The following COL18A1 variants were observed in gnomAD, a reference collection of about 807,000 sequenced individuals.
COL18A1 encodes collagen type XVIII alpha 1 chain.
COL18A1 carries 133 observed loss-of-function variants against 168.0 expected under a neutral mutation model. The ratio of observed to expected loss-of-function variants is 0.79; its 90% CI spans 0.69 to 0.91. The LOEUF (loss-of-function observed/expected upper bound fraction) is 0.91, where lower values mean the gene tolerates loss of function less well. Ranked by LOEUF, COL18A1 falls within the 40% of genes least tolerant of loss-of-function variation. COL18A1 has a pLI of 0.00. For missense variants in COL18A1, 2,126 were observed against 1,925.4 expected, an observed-to-expected ratio of 1.10 and a Z score of -1.95; for synonymous variants, 949 against 809.0, an observed-to-expected ratio of 1.17 and a Z score of -2.94.
intron 2 of COL18A1, among the ~76,000 whole-genome samples, chr21:45,435,264 AG>A (rs1458792965): frequency 2.8e-5 from 2 of 72,368 alleles, no homozygotes; most frequent in African/African-American, 6.1e-5. Context: ...AAGAGGAAGA[AG>A]GGGGTGGGGG....
chr21:45,478,511 G>GT (rs2035764622), intron 9 of COL18A1, among the ~76,000 whole-genome samples, 158 bp downstream of exon 9: 1 of 152,214 alleles, frequency 6.6e-6, no homozygotes. Flanking sequence ...AAAGATGAGT[G>GT]TAACTGTTGA....
intron 16 of COL18A1, 37 bp from the exon 17 acceptor site, chr21:45,487,410 G>A: frequency 6.2e-7 from 1 of 1,609,910 alleles, no homozygotes; most frequent in South Asian, 1.1e-5. Flanking sequence ...CCTAAGAAGG[G>A]ACACAGGCCC....
chr21:45,454,330 G>C (rs1000895135), intron 2 of COL18A1, among the ~76,000 whole-genome samples: 1 of 152,116 alleles, frequency 6.6e-6, no homozygotes, highest in Non-Finnish European at 1.5e-5. Flanking sequence ...GGGCTGTTTC[G>C]TCACAGCTGC....
At position 45,449,460 on chromosome 21, in the gene COL18A1, C is replaced by T. The variant is rs563353433; in HGVS notation, c.107-18782C>T. On this transcript the variant is annotated intron_variant, in intron 2 of 41. Transcript: ENST00000651438. ...GGACACCAGAGCCTGGGGAGGGACA[C>T]GGCTGAGTCCAGGAATGTACATCCA... 6.6e-5 allele frequency among the ~76,000 whole-genome samples: 10 copies of T among 152,266 alleles called. No individual in the cohort carries two copies. The East Asian group carries it at 1.7e-3, about 27-fold the overall frequency.
At position 45,493,143 on chromosome 21, in the gene COL18A1, C is replaced by T. The variant is rs367825533; in HGVS notation, c.2215-20C>T. On this transcript the variant is annotated intron_variant, in intron 24 of 41. Transcript: ENST00000651438. ...GGAGATGCCAGCCGCTCGGGCCTCACGGCCTGGCCTCCATTCCAGGGACCT... is the reference window on the plus strand; with the variant it reads ...GGAGATGCCAGCCGCTCGGGCCTCATGGCCTGGCCTCCATTCCAGGGACCT... 3.2e-5 allele frequency: 50 copies of T among 1,551,758 alleles called. No homozygotes were observed. In the East Asian group the frequency reaches 3.9e-4, roughly 12 times the overall value.
chr21:45,430,461 C>T (rs1030391164), intron 2 of COL18A1, among the ~76,000 whole-genome samples: 1 of 152,106 alleles, frequency 6.6e-6, no homozygotes, highest in Non-Finnish European at 1.5e-5. Context: ...CTGCTGCTTG[C>T]TGGGGAGGGG....
At chr21:45,470,501 T>G (rs1942809691) in intron 3 of COL18A1, among the ~76,000 whole-genome samples, 2 of 149,302 alleles carry the variant, frequency 1.3e-5, no homozygotes, top group South Asian at 4.2e-4. Flanking sequence ...TGTTTTTTTT[T>G]TTTTAGATGG....
chr21:45,509,467 A>G lies in COL18A1; in HGVS notation c.3361A>G (p.Ile1121Val). ...PTARPWRADD[I>V]LASPPRLPEP... ...CGCGCGGCCCTGGCGGGCAGATGACATCCTGGCCAGCCCCCCTCGCCTGCC... is the reference window on the plus strand; with the variant it reads ...CGCGCGGCCCTGGCGGGCAGATGACGTCCTGGCCAGCCCCCCTCGCCTGCC... Residue 1121 changes from isoleucine (I) to valine (V), a missense_variant, in exon 39 of 42, where the codon ATC (isoleucine) becomes GTC (valine). Ile to Val is a conservative substitution (Grantham distance 29). Transcript: ENST00000651438. 3 of 1,530,734 alleles carry G rather than the reference A, an allele frequency of 2.0e-6. No homozygotes were observed. The highest frequency in any genetic ancestry group is 2.6e-6 in the Non-Finnish European group (3 of 1,138,986). 94.8% of individuals were successfully genotyped at this position (1,530,734 alleles called of 1,614,324 possible). A position where few individuals can be genotyped will look rare whatever the true frequency, so the allele number is the denominator to read the frequency against.
At chr21:45,493,385 C>CA in intron 25 of COL18A1, 116 bp from the exon 26 acceptor site, 1 of 1,285,246 alleles carries the variant, frequency 7.8e-7, no homozygotes, top group Non-Finnish European at 1.1e-6. Flanking sequence ...GGTCACCTCC[C>CA]GTGAAAGGAC....
chr21:45,485,845 A>G (rs1218375229), intron 15 of COL18A1, among the ~76,000 whole-genome samples: 3 of 152,218 alleles, frequency 2.0e-5, no homozygotes, highest in African/African-American at 7.2e-5. Flanking sequence ...CTGTGACCAT[A>G]TCAAGGCAGC....
rs1439816216 is a variant in COL18A1 at position 45,504,444 on chromosome 21, G to C, written c.2756G>C (p.Gly919Ala). 16 of 1,611,736 alleles carry C rather than the reference G, an allele frequency of 9.9e-6. No individual in the cohort carries two copies. Among genetic ancestry groups the C allele is most frequent in the Non-Finnish European group, 1.3e-5 (15 of 1,179,488 alleles). ...KGEKGDRGDA[G>A]QKGERGEPGG... ...GAGAAGGGAGACCGAGGTGATGCAGGACAGAAAGGCGAAAGGGGGGAGCCC... is the reference window on the plus strand; with the variant it reads ...GAGAAGGGAGACCGAGGTGATGCAGCACAGAAAGGCGAAAGGGGGGAGCCC... The change falls in exon 34 of 42, where the codon GGA becomes GCA. Residue 919 changes from glycine to alanine, a missense_variant. Physicochemically the swap from Gly to Ala is moderately conservative, Grantham distance 60. Coordinates refer to ENST00000651438, the MANE Select transcript of COL18A1 (RefSeq NM_001379500.1).
In COL18A1 at chr21:45,468,560, C is replaced by G. The variant is rs2035299669; in HGVS notation, c.425C>G (p.Pro142Arg). 8 of 1,613,442 alleles carry G rather than the reference C, an allele frequency of 5.0e-6. No individual in the cohort carries two copies. In the East Asian group the frequency reaches 1.8e-4, roughly 36 times the overall value. ...GACATCTCCCTGCTCTACACAGAAC[C>G]AGGTGCAGGCCAGACCCACACAGCC... ...HQDISLLYTEPGAGQTHTAAS... is the reference protein window; with the variant it reads ...HQDISLLYTERGAGQTHTAAS... Residue 142 changes from proline to arginine, a missense_variant, in exon 3 of 42, where the codon CCA becomes CGA. By Grantham distance (103) the Pro-to-Arg change is moderately radical. Transcript: ENST00000651438.
rs371424181 is a variant in COL18A1, at chr21:45,511,173, C to T, written c.3756C>T (p.Pro1252=). 35 of 1,601,518 alleles carry T rather than the reference C, an allele frequency of 2.2e-5. No homozygotes were observed. Among genetic ancestry groups the T allele is most frequent in the Non-Finnish European group, 2.7e-5 (32 of 1,174,166 alleles). The part of the protein sequence containing the change: ...LFSGSEGPLK[P]GARIFSFDGK... ...CAGGCTCTGAGGGTCCGCTGAAGCC[C>T]GGGGCACGCATCTTCTCCTTTGACG... The change falls in exon 41 of 42, where the codon CCC becomes CCT. Residue 1252 remains proline (P), a synonymous_variant. Transcript: ENST00000651438.
rs1014053065 is a variant in COL18A1, at chr21:45,496,925, C to T, written c.2578-125C>T. On this transcript the variant is annotated intron_variant, in intron 30 of 41. Coordinates refer to ENST00000651438, the MANE Select transcript of COL18A1 (RefSeq NM_001379500.1). ...TACCCCTGTTCCCTCCCGTCTCTGA[C>T]TGGGGGAGGCTGCTATGTGGCCTCA... 5.5e-6 allele frequency: 4 copies of T among 730,646 alleles called. No individual in the cohort carries two copies. In the Admixed American group the frequency reaches 5.9e-5, roughly 11 times the overall value. 45.3% of individuals were successfully genotyped at this position (730,646 alleles called of 1,614,324 possible). A position where few individuals can be genotyped will look rare whatever the true frequency, so the allele number is the denominator to read the frequency against.
chr21:45,469,088 G>A (rs1351707368), intron 3 of COL18A1, among the ~76,000 whole-genome samples: 1 of 152,198 alleles, frequency 6.6e-6, no homozygotes, highest in Non-Finnish European at 1.5e-5. Context: ...GAGACCCCGA[G>A]GCCCAGCCCA....
rs549882268 is a variant in COL18A1 at position 45,495,743 on chromosome 21, C to T, written c.2508+311C>T. On this transcript the variant is annotated intron_variant, in intron 29 of 41. Coordinates refer to ENST00000651438, the MANE Select transcript of COL18A1 (RefSeq NM_001379500.1). ...ACGCACACACACATCCACACGTGCT[C>T]ATGTGTGTACACATGCCCATACACT... 1,190 of 395,946 alleles carry T rather than the reference C, an allele frequency of 3.0e-3. 4 individuals carry two copies. Among genetic ancestry groups the T allele is most frequent in the Non-Finnish European group, 4.3e-3 (877 of 205,250 alleles). 24.5% of individuals were successfully genotyped at this position (395,946 alleles called of 1,614,324 possible).
chr21:45,498,548 G>C lies in COL18A1; in HGVS notation c.2683+887G>C. On this transcript the variant is annotated intron_variant, in intron 32 of 41. Coordinates refer to ENST00000651438, the MANE Select transcript of COL18A1 (RefSeq NM_001379500.1). This position sits in a 1 kb window ranked among gnomAD's most constrained non-coding sequence, Gnocchi z 4.5. ...CGCCATACCTGCTCTTGCTGGGGCT[G>C]CACTCTGGGGTGGGAAGGGACCAGG... 2.8e-6 allele frequency: 2 copies of C among 716,916 alleles called. No homozygotes were observed. Among genetic ancestry groups the C allele is most frequent in the Middle Eastern group, 4.8e-4 (2 of 4,174 alleles). The allele number at this position is 716,916 out of a possible 1,614,324, so 44.4% of individuals were successfully genotyped here. A position where few individuals can be genotyped will look rare whatever the true frequency, so the allele number is the denominator to read the frequency against.
At chr21:45,499,818 G>C (rs1324160998) in intron 32 of COL18A1, among the ~76,000 whole-genome samples, 1 of 152,328 alleles carries the variant, frequency 6.6e-6, no homozygotes, top group East Asian at 1.9e-4. Flanking sequence ...AAAACACACA[G>C]AGTAGATCCA....
intron 32 of COL18A1, among the ~76,000 whole-genome samples, chr21:45,502,040 GC>G (rs748796885): frequency 0.011 from 335 of 30,312 alleles, 40 homozygotes; most frequent in Middle Eastern, 0.026. Context: ...ACCCTCAGGG[GC>G]CTCCGCAGCC....
Sources: allele counts gnomAD v4.1 joint callset (sites outside exome capture counted in the v4.1 genomes callset), GRCh38; gene constraint gnomAD v4.1.1; non-coding constraint Gnocchi (gnomAD v3.1); transcripts MANE v1.5; gene names NCBI Gene and HGNC (gene_info 2026-07-23, HGNC 2026-07-21).